The following SLC24A3 variants were observed in gnomAD, a reference collection of about 807,000 sequenced individuals.
SLC24A3 encodes sodium/potassium/calcium exchanger 3.
SLC24A3 carries 28 observed loss-of-function variants against 75.8 expected under a neutral mutation model. The observed-to-expected ratio is 0.37, with a 90% confidence interval of 0.27 to 0.51. The LOEUF (loss-of-function observed/expected upper bound fraction) is 0.51, where lower values mean the gene tolerates loss of function less well. Among genes scored for constraint, SLC24A3 ranks in the 20% least tolerant of loss-of-function variants. The probability of loss-of-function intolerance (pLI) is 0.94; values close to 1 mark genes in which losing one functional copy is unlikely to be tolerated. For synonymous variants in SLC24A3, 372 were observed against 334.1 expected, an observed-to-expected ratio of 1.11 and a Z score of -1.24; for missense variants, 663 against 847.8, an observed-to-expected ratio of 0.78 and a Z score of 2.71.
chr20:19,495,310 G>A (rs548729109), intron 2 of SLC24A3, among the ~76,000 whole-genome samples: 1 of 152,208 alleles, frequency 6.6e-6, no homozygotes, highest in Non-Finnish European at 1.5e-5. Context: ...CATTGGACTG[G>A]ATGTACAAGT....
intron 2 of SLC24A3, among the ~76,000 whole-genome samples, chr20:19,344,864 A>T (rs111495542): frequency 2.0e-5 from 3 of 152,188 alleles, no homozygotes; most frequent in Admixed American, 6.5e-5. Context: ...CGTCACATGG[A>T]GGGCTTAACA....
intron 2 of SLC24A3, among the ~76,000 whole-genome samples, chr20:19,363,598 G>A (rs1015637669): frequency 1.3e-5 from 2 of 152,190 alleles, no homozygotes; most frequent in African/African-American, 4.8e-5. Context: ...TATGGCAAGA[G>A]AGAGACCATG....
chr20:19,712,416 A>T (rs1191435619), intron 15 of SLC24A3, among the ~76,000 whole-genome samples: 1 of 152,072 alleles, frequency 6.6e-6, no homozygotes, highest in Non-Finnish European at 1.5e-5. Flanking sequence ...GCAGGACGAC[A>T]TCAGCACCAT....
chr20:19,717,954 G>A (rs900170877), intron 16 of SLC24A3, among the ~76,000 whole-genome samples: 2 of 152,114 alleles, frequency 1.3e-5, no homozygotes, highest in African/African-American at 4.8e-5. Flanking sequence ...ACTAATACTT[G>A]GAAACTAAAA....
At chr20:19,610,973 G>A (rs2031663527) in intron 6 of SLC24A3, among the ~76,000 whole-genome samples, 1 of 152,216 alleles carries the variant, frequency 6.6e-6, no homozygotes, top group African/African-American at 2.4e-5. Context: ...GCAGGAACCA[G>A]CTGTATCTGC....
intron 3 of SLC24A3, 104 bp from the exon 4 acceptor site, chr20:19,579,896 T>C: frequency 1.3e-6 from 1 of 779,022 alleles, no homozygotes. Context: ...AGGTGTTGAA[T>C]TCATGATGAC....
intron 2 of SLC24A3, among the ~76,000 whole-genome samples, chr20:19,326,732 C>A (rs1984872996): frequency 6.6e-6 from 1 of 152,042 alleles, no homozygotes; most frequent in African/African-American, 2.4e-5. Context: ...CACATGCCAC[C>A]ACACCAGCTA....
chr20:19,464,901 T>G (rs148020416), intron 2 of SLC24A3, among the ~76,000 whole-genome samples: 66 of 152,322 alleles, frequency 4.3e-4, no homozygotes, highest in Non-Finnish European at 9.0e-4. Flanking sequence ...TAGCATCAGT[T>G]GGCAGGATAC....
chr20:19,386,110 C>T (rs1986268824), intron 2 of SLC24A3, among the ~76,000 whole-genome samples: 1 of 152,090 alleles, frequency 6.6e-6, no homozygotes, highest in African/African-American at 2.4e-5. Context: ...GTGCTTCATA[C>T]TTTCTAGTGT....
chr20:19,585,042 C>T lies in SLC24A3; in HGVS notation c.495C>T (p.Phe165=). ...MAAGSSAPEL[F]TSVIGVFITK... ...CGGGAAGTTCGGCCCCAGAGCTGTT[C>T]ACATCGGTCATAGGTAGGTGACAGA... Residue 165 remains phenylalanine, a synonymous_variant, in exon 5 of 17, where the codon TTC becomes TTT. Coordinates refer to ENST00000328041, the MANE Select transcript of SLC24A3 (RefSeq NM_020689.4). The T allele has an allele frequency of 6.2e-7, 1 of 1,613,560 alleles. No individual in the cohort carries two copies.
intron 15 of SLC24A3, among the ~76,000 whole-genome samples, chr20:19,699,825 G>A (rs1212994898): frequency 6.6e-6 from 1 of 152,228 alleles, no homozygotes; most frequent in Admixed American, 6.5e-5. Context: ...TGGAGGCTGA[G>A]GCTTTTGGGG....
chr20:19,621,950 G>A (rs2031809947), intron 6 of SLC24A3, among the ~76,000 whole-genome samples: 2 of 152,104 alleles, frequency 1.3e-5, no homozygotes, highest in South Asian at 4.1e-4. Context: ...ATCAGCCCCT[G>A]CCCACCCCAC....
At chr20:19,410,938 T>C (rs1009484324) in intron 2 of SLC24A3, among the ~76,000 whole-genome samples, 2 of 151,574 alleles carry the variant, frequency 1.3e-5, no homozygotes, top group Admixed American at 6.6e-5. Context: ...GTGGTGGGAG[T>C]TGTTTCTGGA....
chr20:19,663,453 A>ACCTCCTCCTCCTCCTCCT (rs2032360406), intron 7 of SLC24A3, among the ~76,000 whole-genome samples: 2 of 11,436 alleles, frequency 1.7e-4, no homozygotes, highest in Non-Finnish European at 1.4e-4. Flanking sequence ...ATCCTCCTCC[A>ACCTCCTCCTCCTCCTCCT]CTTCCTCCTC....
intron 2 of SLC24A3, among the ~76,000 whole-genome samples, chr20:19,297,562 T>C (rs999015129): frequency 8.5e-5 from 13 of 152,218 alleles, no homozygotes; most frequent in African/African-American, 2.9e-4. Flanking sequence ...GTTTTTGAGA[T>C]TCATCCATGT....
At chr20:19,350,140 A>G (rs1442017808) in intron 2 of SLC24A3, among the ~76,000 whole-genome samples, 1 of 152,208 alleles carries the variant, frequency 6.6e-6, no homozygotes, top group African/African-American at 2.4e-5. Context: ...CCACTCTGCT[A>G]TTTATAAGGA....
intron 3 of SLC24A3, among the ~76,000 whole-genome samples, chr20:19,545,173 T>G (rs542348725): frequency 6.6e-6 from 1 of 152,352 alleles, no homozygotes; most frequent in South Asian, 2.1e-4. Flanking sequence ...GAAGCGGCTC[T>G]TAACTCAATA....
chr20:19,321,765 C>G (rs1348219554), intron 2 of SLC24A3, among the ~76,000 whole-genome samples: 2 of 152,146 alleles, frequency 1.3e-5, no homozygotes, highest in Non-Finnish European at 2.9e-5. Context: ...AAATTAATGT[C>G]AATAATGTCT....
intron 6 of SLC24A3, among the ~76,000 whole-genome samples, chr20:19,629,671 C>T (rs2031910206): frequency 6.6e-6 from 1 of 152,166 alleles, no homozygotes; most frequent in Non-Finnish European, 1.5e-5. Context: ...TGATTTGCCT[C>T]ATACAAGAGA....
Sources: gnomAD v4.1 joint callset for allele counts (sites outside exome capture counted in the v4.1 genomes callset) on GRCh38, gnomAD v4.1.1 for gene constraint, MANE v1.5 for transcripts, NCBI Gene and HGNC (gene_info 2026-07-23, HGNC 2026-07-21) for gene names.